Variants in KREMEN1 observed in about 807,000 individuals in gnomAD.
KREMEN1 encodes the protein kringle containing transmembrane protein 1, also known as kremen protein 1.
KREMEN1 carries 30 observed loss-of-function variants against 46.5 expected under a neutral mutation model. The ratio of observed to expected loss-of-function variants is 0.65; its 90% CI spans 0.48 to 0.88. The LOEUF is 0.88. KREMEN1 is among the 40% of genes least tolerant of loss of function. The pLI, the probability that KREMEN1 is intolerant of heterozygous loss-of-function variation, is 0.00. For synonymous variants in KREMEN1, 214 were observed against 230.6 expected (o/e 0.93, Z 0.65); for missense variants, 533 against 596.9 (o/e 0.89, Z 1.11).
In KREMEN1 at chr22:29,144,543, G is replaced by A. The variant is rs1005113225; in HGVS notation, c.*2431G>A. 4.1e-6 allele frequency: 4 copies of A among 985,426 alleles called. No individual in the cohort carries two copies. Among genetic ancestry groups the A allele is most frequent in the African/African-American group, 1.7e-5 (1 of 57,260 alleles). The allele number at this position is 985,426 out of a possible 1,614,324, so 61.0% of individuals were successfully genotyped here. A position where few individuals can be genotyped will look rare whatever the true frequency, so the allele number is the denominator to read the frequency against. On this transcript the variant is annotated 3_prime_UTR_variant, in exon 9 of 9. Coordinates refer to ENST00000400335, the MANE Select transcript of KREMEN1 (RefSeq NM_001039570.3). ...AAGAGGCCTGTCACACAGGAGGACC[G>A]CTGGAAACATACCAACACGTGCAGT...
At chr22:29,075,112 C>T (rs1485386700) in intron 1 of KREMEN1, among the ~76,000 whole-genome samples, 1 of 152,072 alleles carries the variant, frequency 6.6e-6, no homozygotes, top group Admixed American at 6.5e-5. Flanking sequence ...GAGTGATCAC[C>T]GTCTTTTATG....
chr22:29,151,257 C>T (rs1259586480), downstream of KREMEN1, among the ~76,000 whole-genome samples: 4 of 152,156 alleles, frequency 2.6e-5, no homozygotes, highest in African/African-American at 7.2e-5. Flanking sequence ...CTCCATTAAG[C>T]CATGAGCATG....
intron 1 of KREMEN1, among the ~76,000 whole-genome samples, chr22:29,076,935 G>C (rs999995497): frequency 6.6e-6 from 1 of 152,138 alleles, no homozygotes; most frequent in African/African-American, 2.4e-5. Flanking sequence ...ATTCCTTTTA[G>C]GCTCACTACT....
chr22:29,141,886 A>T, intron 8 of KREMEN1, 58 bp from the exon 9 acceptor site: 8 of 1,358,474 alleles, frequency 5.9e-6, no homozygotes, highest in Non-Finnish European at 8.1e-6. Flanking sequence ...ATCTCGTGAG[A>T]TGGTAGGTTG....
At chr22:29,126,515 A>G (rs751371878) in intron 5 of KREMEN1, among the ~76,000 whole-genome samples, 1 of 151,812 alleles carries the variant, frequency 6.6e-6, no homozygotes, top group Non-Finnish European at 1.5e-5. Flanking sequence ...CTGTGTGTCT[A>G]TGTCTCTGTG....
intron 9 of KREMEN1, among the ~76,000 whole-genome samples, chr22:29,157,166 G>C (rs147973911): frequency 9.1e-4 from 138 of 152,326 alleles, no homozygotes; most frequent in African/African-American, 3.0e-3. Context: ...GACCTGTGGG[G>C]GCTCCACGCA....
intron 5 of KREMEN1, among the ~76,000 whole-genome samples, chr22:29,135,424 C>T (rs938880540): frequency 6.6e-6 from 1 of 152,190 alleles, no homozygotes; most frequent in African/African-American, 2.4e-5. Flanking sequence ...GGATTTGCTT[C>T]CCCTCTCCCA....
At chr22:29,129,933 A>G (rs1268239558) in intron 5 of KREMEN1, among the ~76,000 whole-genome samples, 3 of 152,206 alleles carry the variant, frequency 2.0e-5, no homozygotes, top group African/African-American at 7.2e-5. Flanking sequence ...TTGAATTAAC[A>G]TAACCAAACA....
At chr22:29,165,809 TCTC>T (rs2039048535) in intron 9 of KREMEN1, among the ~76,000 whole-genome samples, 1 of 152,142 alleles carries the variant, frequency 6.6e-6, no homozygotes, top group Non-Finnish European at 1.5e-5. Flanking sequence ...ATTGTGTTTC[TCTC>T]CTCCTGCCGG....
intron 4 of KREMEN1, among the ~76,000 whole-genome samples, chr22:29,124,140 C>T (rs532174396): frequency 1.3e-5 from 2 of 152,272 alleles, no homozygotes; most frequent in Non-Finnish European, 2.9e-5. Flanking sequence ...TATAGCAGTT[C>T]TATTCATAAT....
intron 7 of KREMEN1, among the ~76,000 whole-genome samples, chr22:29,139,502 T>G (rs2038726397): frequency 6.6e-6 from 1 of 151,978 alleles, no homozygotes; most frequent in South Asian, 2.1e-4. Flanking sequence ...ACTTAGGAGG[T>G]TGAGGTGGGA....
At position 29,144,185 on chromosome 22, in the gene KREMEN1, C is replaced by G. The variant is rs2145858296; in HGVS notation, c.*2073C>G. The stretch of plus-strand genomic sequence containing the variant: ...GCGTTTCCTCTTTGCAGCACTTTGC[C>G]TACCTCCCCCAAGCCCTGAGCCACT... On this transcript the variant is annotated 3_prime_UTR_variant, in exon 9 of 9. Transcript: ENST00000400335. The G allele has an allele frequency of 1.0e-6, 1 of 985,652 alleles. No homozygotes were observed. Among genetic ancestry groups the G allele is most frequent in the South Asian group, 4.7e-5 (1 of 21,292 alleles). 61.1% of individuals were successfully genotyped at this position (985,652 alleles called of 1,614,324 possible). A position where few individuals can be genotyped will look rare whatever the true frequency, so the allele number is the denominator to read the frequency against.
At chr22:29,108,320 T>A (rs113458354) in intron 3 of KREMEN1, among the ~76,000 whole-genome samples, 2,097 of 152,300 alleles carry the variant, frequency 0.014, 51 homozygotes, top group African/African-American at 0.048. Context: ...TGCCATGAAG[T>A]CTTATCTCTT....
intron 5 of KREMEN1, among the ~76,000 whole-genome samples, chr22:29,133,406 T>G (rs989577896): frequency 2.6e-5 from 4 of 151,750 alleles, no homozygotes; most frequent in Non-Finnish European, 5.9e-5. Flanking sequence ...GCTCAAGCAA[T>G]CCTCCTGCCT....
chr22:29,093,560 G>T (rs1488222424), intron 1 of KREMEN1, among the ~76,000 whole-genome samples: 3 of 152,104 alleles, frequency 2.0e-5, no homozygotes, highest in African/African-American at 7.2e-5. Context: ...TATTAAATTG[G>T]ACCTGAGACC....
intron 3 of KREMEN1, chr22:29,111,644 G>A: frequency 6.8e-6 from 1 of 148,028 alleles, no homozygotes. Context: ...AAAATTAGCA[G>A]AGGAGTTACA....
At chr22:29,152,009 T>TAA (rs132285) in intron 9 of KREMEN1, among the ~76,000 whole-genome samples, 359 of 132,630 alleles carry the variant, frequency 2.7e-3, no homozygotes, top group Middle Eastern at 7.9e-3. Flanking sequence ...GACTCTGTCT[T>TAA]AAAAAAAAAA....
At chr22:29,157,596 C>A (rs564088163) in intron 9 of KREMEN1, among the ~76,000 whole-genome samples, 3 of 152,200 alleles carry the variant, frequency 2.0e-5, no homozygotes, top group Non-Finnish European at 4.4e-5. Flanking sequence ...CCTCGGCCTC[C>A]CAAAGTGCTG....
intron 1 of KREMEN1, among the ~76,000 whole-genome samples, chr22:29,081,411 G>C (rs2037652897): frequency 6.6e-6 from 1 of 152,100 alleles, no homozygotes; most frequent in Non-Finnish European, 1.5e-5. Context: ...TTTAATTAAA[G>C]TCTGTTTCAT....
Sources: gnomAD v4.1 joint callset for allele counts (sites outside exome capture counted in the v4.1 genomes callset) on GRCh38, gnomAD v4.1.1 for gene constraint, MANE v1.5 for transcripts, NCBI Gene and HGNC (gene_info 2026-07-23, HGNC 2026-07-21) for gene names.